Variants in SIRT5 observed in about 807,000 individuals in gnomAD.
SIRT5 encodes sirtuin 5.
A neutral mutation model predicts 40.0 loss-of-function variants in SIRT5; 26 were observed. That is an observed-to-expected ratio of 0.65 (90% CI 0.48 to 0.90). The LOEUF (loss-of-function observed/expected upper bound fraction) is 0.90. Ranked by LOEUF, SIRT5 falls within the 40% of genes least tolerant of loss-of-function variation. The probability of loss-of-function intolerance (pLI) is 0.00; values close to 1 mark genes in which losing one functional copy is unlikely to be tolerated. For synonymous variants in SIRT5, 146 were observed against 149.1 expected (o/e 0.98, Z 0.15); for missense variants, 401 against 402.4 (o/e 1.00, Z 0.03).
intron 3 of SIRT5, among the ~76,000 whole-genome samples, chr6:13,585,721 A>G (rs1190560893): frequency 6.6e-6 from 1 of 152,162 alleles, no homozygotes; most frequent in African/African-American, 2.4e-5. Context: ...ATGTGTCTTT[A>G]TAGTAGCATG....
intron 7 of SIRT5, 30 bp from the exon 8 acceptor site, chr6:13,599,001 CG>C: frequency 6.2e-7 from 1 of 1,610,800 alleles, no homozygotes; most frequent in Non-Finnish European, 8.5e-7. Context: ...AGACTTGGCT[CG>C]GGGTTGGCTT....
intron 3 of SIRT5, among the ~76,000 whole-genome samples, chr6:13,586,868 G>A (rs1237597297): frequency 6.6e-6 from 1 of 152,126 alleles, no homozygotes; most frequent in Non-Finnish European, 1.5e-5. Context: ...TTATGGCTGG[G>A]ATACAGAATG....
intron 3 of SIRT5, among the ~76,000 whole-genome samples, chr6:13,586,094 G>A (rs1043937602): frequency 2.0e-5 from 3 of 152,164 alleles, no homozygotes; most frequent in African/African-American, 7.2e-5. Context: ...GGGGTTGTGT[G>A]TGTTTTTCTT....
intron 9 of SIRT5, among the ~76,000 whole-genome samples, chr6:13,609,194 C>A (rs1233737488): frequency 6.6e-6 from 1 of 152,084 alleles, no homozygotes; most frequent in Non-Finnish European, 1.5e-5. Context: ...CTGAGTGTTA[C>A]CTATTGTTGG....
chr6:13,606,871 G>A (rs1322063872), intron 9 of SIRT5, among the ~76,000 whole-genome samples: 2 of 151,668 alleles, frequency 1.3e-5, no homozygotes, highest in Admixed American at 6.6e-5. Flanking sequence ...TAGTAGAGAC[G>A]GGATTTCACC....
Position 13,591,703 on chromosome 6 carries a change from C to A in SIRT5, c.284C>A (p.Pro95Gln), listed in dbSNP as rs202061819. 6.2e-7 allele frequency: 1 copy of A among 1,603,108 alleles called. No individual in the cohort carries two copies. Among genetic ancestry groups the A allele is most frequent in the South Asian group, 1.1e-5 (1 of 90,310 alleles). ...ACTCCCCTGGCCTTTGCCCACAACC[C>A]GTCCCGGGTGTGGGAGTTCTACCAC... ...LATPLAFAHN[P>Q]SRVWEFYHYR... Residue 95 changes from proline (P) to glutamine (Q), a missense_variant, in exon 5 of 10, where the codon CCG becomes CAG. Physicochemically the swap from Pro to Gln is moderately conservative, Grantham distance 76. Coordinates refer to ENST00000606117, the MANE Select transcript of SIRT5 (RefSeq NM_012241.5).
At chr6:13,580,850 G>A (rs887713357) in intron 2 of SIRT5, among the ~76,000 whole-genome samples, 2 of 151,986 alleles carry the variant, frequency 1.3e-5, no homozygotes, top group Admixed American at 6.6e-5. Context: ...TTGTAGAGAT[G>A]GGGTCTCACT....
intron 8 of SIRT5, among the ~76,000 whole-genome samples, chr6:13,599,531 T>C (rs1292235051): frequency 6.6e-6 from 1 of 152,228 alleles, no homozygotes; most frequent in East Asian, 1.9e-4. Context: ...AAATTAGAAA[T>C]CGCCCATAGT....
Position 13,612,645 on chromosome 6 carries a change from G to A in SIRT5, c.*780G>A, listed in dbSNP as rs1562285943. On this transcript the variant is annotated 3_prime_UTR_variant, in exon 10 of 10. Transcript: ENST00000606117. ...ATGAGCCACCGCACCCGGCTTACTG[G>A]GGGCTTTTTAACCTTGTTTGGCTAC... 6.6e-6 allele frequency: 1 copy of A among 152,192 alleles called. No individual in the cohort carries two copies. Among genetic ancestry groups the A allele is most frequent in the Non-Finnish European group, 1.5e-5 (1 of 68,104 alleles). 9.4% of individuals were successfully genotyped at this position (152,192 alleles called of 1,614,324 possible).
At chr6:13,590,797 AGTT>A (rs1562268932) in intron 4 of SIRT5, among the ~76,000 whole-genome samples, 4 of 147,430 alleles carry the variant, frequency 2.7e-5, no homozygotes, top group Middle Eastern at 3.4e-3. Flanking sequence ...GTGTGTATGT[AGTT>A]GTGTGTGTGT....
chr6:13,584,626 G>T (rs1191789713), intron 3 of SIRT5, among the ~76,000 whole-genome samples: 1 of 152,208 alleles, frequency 6.6e-6, no homozygotes, highest in African/African-American at 2.4e-5. Flanking sequence ...TGGGATTACA[G>T]GCATGAGCCA....
chr6:13,600,992 G>A, intron 9 of SIRT5, 43 bp downstream of exon 9: 1 of 1,441,436 alleles, frequency 6.9e-7, no homozygotes, highest in Non-Finnish European at 9.8e-7. Flanking sequence ...TGGGAGGCAG[G>A]TACAGACATG....
intron 9 of SIRT5, among the ~76,000 whole-genome samples, chr6:13,608,947 G>A (rs542474323): frequency 6.6e-6 from 1 of 151,962 alleles, no homozygotes; most frequent in East Asian, 1.9e-4. Flanking sequence ...TCAGCCTCCT[G>A]AGTAGTTGGG....
At chr6:13,610,333 C>A (rs1312252264) in intron 9 of SIRT5, among the ~76,000 whole-genome samples, 1 of 152,166 alleles carries the variant, frequency 6.6e-6, no homozygotes, top group Non-Finnish European at 1.5e-5. Flanking sequence ...AGTTGTATGC[C>A]AAAATACACA....
At chr6:13,580,916 C>T (rs2127611115) in intron 2 of SIRT5, among the ~76,000 whole-genome samples, 1 of 152,356 alleles carries the variant, frequency 6.6e-6, no homozygotes, top group South Asian at 2.1e-4. Flanking sequence ...CTGCCTCAGC[C>T]TCCCAAAGTC....
chr6:13,607,360 CAT>C lies in SIRT5; in HGVS notation c.858-4429_858-4428del, dbSNP rs1319443334. On this transcript the variant is annotated intron_variant, in intron 9 of 9. Coordinates refer to ENST00000606117, the MANE Select transcript of SIRT5 (RefSeq NM_012241.5). This position sits in a 1 kb window ranked among gnomAD's most constrained non-coding sequence, Gnocchi z 4.0. Reference sequence around the variant, plus strand: ...GAGAGCAAGAACTTAGGAAAAGAAACATGTGAAGCAGTCTTCCCCCATCTTTT... The same window carrying C: ...GAGAGCAAGAACTTAGGAAAAGAAACGTGAAGCAGTCTTCCCCCATCTTTT... Among the ~76,000 whole-genome samples, 2 of 151,402 alleles carry C rather than the reference CAT, an allele frequency of 1.3e-5. No homozygotes were observed. Among genetic ancestry groups the C allele is most frequent in the South Asian group, 2.1e-4 (1 of 4,802 alleles).
intron 9 of SIRT5, among the ~76,000 whole-genome samples, chr6:13,604,108 T>G (rs975992480): frequency 6.6e-6 from 1 of 152,206 alleles, no homozygotes; most frequent in Admixed American, 6.5e-5. Flanking sequence ...TGCTCTAAAG[T>G]TGATTGTGGT....
At position 13,611,226 on chromosome 6, in the gene SIRT5, TATATATATATACACACACAC is replaced by T. The variant is rs1562284237; in HGVS notation, c.858-560_858-541del. ...GTGTGTGTATATATATATATATATA[TATATATATATACACACACAC>T]ATACACACACACATATATATACACA... On this transcript the variant is annotated intron_variant, in intron 9 of 9. Transcript: ENST00000606117. 1.6e-3 allele frequency among the ~76,000 whole-genome samples: 210 copies of T among 131,452 alleles called. 1 individual carries two copies. Among genetic ancestry groups the T allele is most frequent in the African/African-American group, 6.0e-3 (198 of 32,906 alleles). 86.2% of individuals were successfully genotyped at this position (131,452 alleles called of 152,430 possible).
At chr6:13,605,840 G>A in intron 9 of SIRT5, 1 of 985,412 alleles carries the variant, frequency 1.0e-6, no homozygotes, top group African/African-American at 1.7e-5. Context: ...GGGAGCTGGT[G>A]GCCAGGGCCT....
Sources: gnomAD v4.1 joint callset for allele counts (sites outside exome capture counted in the v4.1 genomes callset) on GRCh38, gnomAD v4.1.1 for gene constraint, Gnocchi (gnomAD v3.1) non-coding constraint, MANE v1.5 for transcripts, NCBI Gene and HGNC (gene_info 2026-07-23, HGNC 2026-07-21) for gene names.